The following WDR62 variants were observed in gnomAD, a reference collection of about 807,000 sequenced individuals.
WDR62 encodes WD repeat domain 62.
WDR62 carries 112 observed loss-of-function variants against 160.6 expected under a neutral mutation model. The ratio of observed to expected loss-of-function variants is 0.70; its 90% CI spans 0.60 to 0.82. WDR62 has a LOEUF of 0.82. Among genes scored for constraint, WDR62 ranks in the 40% least tolerant of loss-of-function variants. WDR62 has a pLI of 0.00. For synonymous variants in WDR62, 792 were observed against 815.1 expected, an observed-to-expected ratio of 0.97 and a Z score of 0.48; for missense variants, 1,819 against 1,983.8, an observed-to-expected ratio of 0.92 and a Z score of 1.58.
intron 7 of WDR62, chr19:36,070,859 TA>T (rs1350031930): frequency 6.5e-6 from 1 of 152,750 alleles, no homozygotes; most frequent in Non-Finnish European, 1.5e-5. Flanking sequence ...CTTTTTTCTG[TA>T]CCGCTTTGGA....
chr19:36,110,845 C>CGTTT, the WDR62 span, among the ~76,000 whole-genome samples: 1 of 152,136 alleles, frequency 6.6e-6, no homozygotes, highest in Non-Finnish European at 1.5e-5. Context: ...ATTTGCCTGG[C>CGTTT]AAACAGACCC....
At position 36,064,269 on chromosome 19, in the gene WDR62, ATT is replaced by A. The variant is rs932343943; in HGVS notation, c.333-1680_333-1679del. ...CAGGGGCTGTGTCTCTGAACGCCAC[ATT>A]TTTTTTTTCTGTCTCTCTTTTTGAG... On this transcript the variant is annotated intron_variant, in intron 3 of 31. Coordinates refer to ENST00000401500, the MANE Select transcript of WDR62 (RefSeq NM_001083961.2). Among the ~76,000 whole-genome samples the A allele has an allele frequency of 2.7e-5, 4 of 149,972 alleles. No homozygotes were observed. The East Asian group carries it at 7.8e-4, about 29-fold the overall frequency.
At chr19:36,078,618 T>C (rs1334731991) in intron 9 of WDR62, among the ~76,000 whole-genome samples, 1 of 151,922 alleles carries the variant, frequency 6.6e-6, no homozygotes, top group Non-Finnish European at 1.5e-5. Context: ...GTGGATCACC[T>C]GAGGTCAGGA....
At chr19:36,072,873 A>G (rs1462426658) in intron 8 of WDR62, among the ~76,000 whole-genome samples, 1 of 152,196 alleles carries the variant, frequency 6.6e-6, no homozygotes, top group Non-Finnish European at 1.5e-5. Flanking sequence ...TATTGCAGGT[A>G]AAACTCTCGG....
At chr19:36,104,460 G>C in intron 30 of WDR62, 58 bp from the exon 31 acceptor site, 1 of 1,601,506 alleles carries the variant, frequency 6.2e-7, no homozygotes, top group African/African-American at 1.3e-5. Flanking sequence ...CAGTCGCTCT[G>C]GCCGCTCACA....
Position 36,104,605 on chromosome 19 carries a change from T to C in WDR62, c.4241T>C (p.Leu1414Pro). The C allele has an allele frequency of 6.2e-7, 1 of 1,613,536 alleles. No individual in the cohort carries two copies. Among genetic ancestry groups the C allele is most frequent in the African/African-American group, 1.3e-5 (1 of 74,866 alleles). The change falls in exon 31 of 32, where the codon CTG (leucine) becomes CCG (proline). Residue 1414 changes from leucine (L) to proline (P), a missense_variant. Coordinates refer to ENST00000401500, the MANE Select transcript of WDR62 (RefSeq NM_001083961.2). Reference sequence around the variant, plus strand: ...GCCCTGCCCCCATCTCCCCTTGAGCTGAGCAGGGTGGGGAACATCTTGCAC... The same window carrying C: ...GCCCTGCCCCCATCTCCCCTTGAGCCGAGCAGGGTGGGGAACATCTTGCAC... ...VEALPPSPLE[L>P]SRVGNILHRL...
At chr19:36,067,165 C>T in intron 5 of WDR62, 141 bp from the exon 6 acceptor site, 1 of 1,099,582 alleles carries the variant, frequency 9.1e-7, no homozygotes, top group Non-Finnish European at 1.4e-6. Flanking sequence ...CATAGGTTTC[C>T]CCATACAGCA....
rs185122060 is a variant in WDR62, at chr19:36,096,660, G to A, written c.2468-367G>A. 9.1e-3 allele frequency among the ~76,000 whole-genome samples: 1,369 copies of A among 150,750 alleles called. 28 individuals are homozygous for A. The highest frequency in any genetic ancestry group is 0.032 in the African/African-American group (1,320 of 40,976). On this transcript the variant is annotated intron_variant, in intron 20 of 31. Transcript: ENST00000401500. The stretch of plus-strand genomic sequence containing the variant: ...CGGGAGGTGGAGGTTGCAGTGAGCC[G>A]AGATCGCGCCACTGCACTCCAGCCT...
rs558066934 is a variant in WDR62 at position 36,097,029 on chromosome 19, C to T, written c.2470C>T (p.Pro824Ser). ...TPSKDSLDPD[P>S]RCLLTNGKLP... ...TCATGGATTCTGTGTCTTTCCAGAT[C>T]CTCGTTGCCTGCTAACCAACGGCAA... Residue 824 changes from proline (P) to serine (S), a missense_variant and splice_region_variant, in exon 21 of 32, where the codon CCT (proline) becomes TCT (serine). Coordinates refer to ENST00000401500, the MANE Select transcript of WDR62 (RefSeq NM_001083961.2). 4.3e-6 allele frequency: 7 copies of T among 1,612,262 alleles called. No individual in the cohort carries two copies. In the African/African-American group the frequency reaches 9.3e-5, roughly 21 times the overall value.
At chr19:36,093,921 C>T in intron 19 of WDR62, 110 bp from the exon 20 acceptor site, 1 of 1,377,304 alleles carries the variant, frequency 7.3e-7, no homozygotes, top group Non-Finnish European at 1.0e-6. Flanking sequence ...TGACCAGCAG[C>T]CAAGAATATG....
intron 8 of WDR62, among the ~76,000 whole-genome samples, 158 bp from the exon 9 acceptor site, chr19:36,073,184 G>T (rs1438553938): frequency 6.6e-6 from 1 of 152,250 alleles, no homozygotes; most frequent in African/African-American, 2.4e-5. Flanking sequence ...AGCAGAGGAA[G>T]AGGGAAGAGG....
At position 36,094,040 on chromosome 19, in the gene WDR62, G is replaced by T; in HGVS notation, c.2343G>T (p.Thr781=). The T allele has an allele frequency of 6.2e-7, 1 of 1,613,914 alleles. No homozygotes were observed. The highest frequency in any genetic ancestry group is 8.5e-7 in the Non-Finnish European group (1 of 1,179,958). The change falls in exon 20 of 32, where the codon ACG becomes ACT. Residue 781 remains threonine, a synonymous_variant. Coordinates refer to ENST00000401500, the MANE Select transcript of WDR62 (RefSeq NM_001083961.2). ...TCATTCCTGGCTTTAGGCAGGATACGTATGTGTCCACACCTAGTGAGATTC... is the reference window on the plus strand; with the variant it reads ...TCATTCCTGGCTTTAGGCAGGATACTTATGTGTCCACACCTAGTGAGATTC... ...KKRSGHPRQD[T]YVSTPSEIHS...
At chr19:36,105,170 AG>A, downstream of WDR62, 1 of 1,105,428 alleles carries the variant, frequency 9.0e-7, no homozygotes, top group Non-Finnish European at 1.3e-6. Context: ...GTGGGGAGGG[AG>A]GGTAGAAGGT....
chr19:36,083,098 C>T lies in WDR62; in HGVS notation c.1407C>T (p.Ile469=). ...AGGTCGTGTACGTGGAGAATGACATCCAGCACCTGCAGGACATGTCACACT... is the reference window on the plus strand; with the variant it reads ...AGGTCGTGTACGTGGAGAATGACATTCAGCACCTGCAGGACATGTCACACT... The part of the protein sequence containing the change: ...LLKVVYVEND[I]QHLQDMSHFP... The change falls in exon 11 of 32, where the codon ATC becomes ATT. Residue 469 remains isoleucine (I), a synonymous_variant. Transcript: ENST00000401500. 1 of 1,613,560 alleles carries T rather than the reference C, an allele frequency of 6.2e-7. No homozygotes were observed. The highest frequency in any genetic ancestry group is 1.3e-5 in the African/African-American group (1 of 75,058).
intron 20 of WDR62, 82 bp downstream of exon 20, chr19:36,094,246 C>T (rs1972817799): frequency 6.4e-7 from 1 of 1,567,466 alleles, no homozygotes; most frequent in Non-Finnish European, 8.8e-7. Flanking sequence ...TTTACAGGGC[C>T]TGGCACATAT....
chr19:36,059,557 C>T (rs1970537772), intron 2 of WDR62, among the ~76,000 whole-genome samples: 1 of 152,168 alleles, frequency 6.6e-6, no homozygotes, highest in Non-Finnish European at 1.5e-5. Flanking sequence ...CTCCCATCTT[C>T]ACCTCCCATG....
rs751667801 is a variant in WDR62 at position 36,091,247 on chromosome 19, C to A, written c.2082C>A (p.Asp694Glu). 83 of 1,613,334 alleles carry A rather than the reference C, an allele frequency of 5.1e-5. No homozygotes were observed. Among genetic ancestry groups the A allele is most frequent in the Non-Finnish European group, 6.9e-5 (82 of 1,180,050 alleles). The change falls in exon 17 of 32, where the codon GAC becomes GAA. Residue 694 changes from aspartate to glutamate, a missense_variant. Asp to Glu is a conservative substitution (Grantham distance 45, BLOSUM62 2). This residue lies in a region of WDR62 where 934 missense variants were observed against 1,157.2 expected (regional missense o/e 0.81). Transcript: ENST00000401500. ...CCTTCCTGGCCACCAGCTGCTCTGA[C>A]AAAAGCATCTCAGTGATTGACTTTT... ...SGTFLATSCS[D>E]KSISVIDFYS...
chr19:36,061,023 G>A (rs1970617642), intron 3 of WDR62: 1 of 152,296 alleles, frequency 6.6e-6, no homozygotes, highest in Non-Finnish European at 1.5e-5. Flanking sequence ...GTGACCTTTG[G>A]AAGGCACACC....
At chr19:36,067,033 A>G (rs1568329708) in intron 5 of WDR62, among the ~76,000 whole-genome samples, 1 of 152,234 alleles carries the variant, frequency 6.6e-6, no homozygotes, top group African/African-American at 2.4e-5. Flanking sequence ...ACTGTCCCCA[A>G]TACCATGTGT....
Sources: gnomAD v4.1 joint callset for allele counts (sites outside exome capture counted in the v4.1 genomes callset) on GRCh38, gnomAD v4.1.1 for gene constraint, gnomAD v4.1.1 regional missense constraint, MANE v1.5 for transcripts, NCBI Gene and HGNC (gene_info 2026-07-23, HGNC 2026-07-21) for gene names.